L3MBTL4: variants seen among roughly 807,000 people sequenced by gnomAD.
L3MBTL4 encodes L3MBTL histone methyl-lysine binding protein 4, also known as lethal(3)malignant brain tumor-like protein 4.
A neutral mutation model predicts 84.5 loss-of-function variants in L3MBTL4; 70 were observed. The observed-to-expected ratio is 0.83, with a 90% CI of 0.68 to 1.01. The LOEUF is 1.01. Among genes scored for constraint, L3MBTL4 ranks in the 50% least tolerant of loss-of-function variants. The pLI is 0.00. For missense variants in L3MBTL4, 715 were observed against 754.8 expected, an observed-to-expected ratio of 0.95 and a Z score of 0.62; for synonymous variants, 274 against 259.8, an observed-to-expected ratio of 1.05 and a Z score of -0.52.
At chr18:6,248,149 T>A (rs1334812723) in intron 5 of L3MBTL4, among the ~76,000 whole-genome samples, 1 of 152,216 alleles carries the variant, frequency 6.6e-6, no homozygotes, top group Non-Finnish European at 1.5e-5. Context: ...CCCTCCTGCA[T>A]CCACTTTGTG....
At chr18:6,318,531 A>T (rs2051236521) in intron 1 of L3MBTL4, among the ~76,000 whole-genome samples, 1 of 143,260 alleles carries the variant, frequency 7.0e-6, no homozygotes, top group African/African-American at 2.7e-5. Flanking sequence ...AAAAAGACAA[A>T]GAAGGTCATT....
At chr18:6,201,089 G>A (rs2045630552) in intron 12 of L3MBTL4, among the ~76,000 whole-genome samples, 1 of 151,842 alleles carries the variant, frequency 6.6e-6, no homozygotes, top group African/African-American at 2.4e-5. Flanking sequence ...GGTAATCAAG[G>A]GATAAAAATG....
intron 13 of L3MBTL4, among the ~76,000 whole-genome samples, chr18:6,151,021 G>C (rs79026931): frequency 6.6e-6 from 1 of 152,126 alleles, no homozygotes; most frequent in East Asian, 1.9e-4. Context: ...CAAGGTCAGA[G>C]GCCACAGACA....
At chr18:6,057,768 A>T (rs763707200) in intron 16 of L3MBTL4, among the ~76,000 whole-genome samples, 2 of 152,250 alleles carry the variant, frequency 1.3e-5, no homozygotes, top group Non-Finnish European at 2.9e-5. Context: ...AAAGTCCATG[A>T]CAAAAATGAT....
At chr18:6,009,498 T>C (rs1229683094) in intron 16 of L3MBTL4, among the ~76,000 whole-genome samples, 2 of 152,190 alleles carry the variant, frequency 1.3e-5, no homozygotes, top group Non-Finnish European at 2.9e-5. Context: ...AGGCCAGTTT[T>C]AGTACCACTG....
intron 12 of L3MBTL4, among the ~76,000 whole-genome samples, chr18:6,208,770 T>C (rs1049971074): frequency 1.3e-5 from 2 of 152,246 alleles, no homozygotes; most frequent in Non-Finnish European, 2.9e-5. Flanking sequence ...AATAGCTGGC[T>C]ATAAATTGAA....
chr18:6,248,847 G>A (rs566185444), intron 5 of L3MBTL4, among the ~76,000 whole-genome samples: 1 of 152,090 alleles, frequency 6.6e-6, no homozygotes, highest in African/African-American at 2.4e-5. Flanking sequence ...TTCTATACTT[G>A]GATGCAAGCC....
chr18:6,332,446 C>T (rs2052088034), intron 1 of L3MBTL4, among the ~76,000 whole-genome samples: 1 of 152,112 alleles, frequency 6.6e-6, no homozygotes, highest in African/African-American at 2.4e-5. Flanking sequence ...CACATGGTTC[C>T]AGGGTAGGCA....
intron 16 of L3MBTL4, among the ~76,000 whole-genome samples, chr18:6,053,494 C>G (rs79695815): frequency 0.01 from 1,559 of 152,264 alleles, 12 homozygotes; most frequent in Non-Finnish European, 0.015. Flanking sequence ...GCTGCCAACA[C>G]CACAACCTTC....
At chr18:6,190,729 G>T (rs188960258) in intron 12 of L3MBTL4, among the ~76,000 whole-genome samples, 1 of 152,148 alleles carries the variant, frequency 6.6e-6, no homozygotes. Flanking sequence ...CATATTAAAA[G>T]TTGGTAAAAG....
intron 16 of L3MBTL4, among the ~76,000 whole-genome samples, chr18:6,034,079 C>T (rs760306723): frequency 1.3e-5 from 2 of 152,000 alleles, no homozygotes; most frequent in African/African-American, 2.4e-5. Context: ...TCTTGCAGGG[C>T]ACGTCTGGTG....
chr18:6,040,639 C>T (rs2056359391), intron 16 of L3MBTL4, among the ~76,000 whole-genome samples: 1 of 152,192 alleles, frequency 6.6e-6, no homozygotes, highest in Middle Eastern at 3.2e-3. Context: ...TTTTTACTCA[C>T]ATCTCTTTTG....
intron 13 of L3MBTL4, among the ~76,000 whole-genome samples, chr18:6,145,675 G>A (rs868828288): frequency 2.0e-5 from 3 of 151,876 alleles, no homozygotes; most frequent in Non-Finnish European, 4.4e-5. Flanking sequence ...CTTTGAAAAG[G>A]GAAATAGATT....
intron 16 of L3MBTL4, among the ~76,000 whole-genome samples, chr18:6,021,876 T>C (rs1041181470): frequency 1.3e-5 from 2 of 152,142 alleles, no homozygotes; most frequent in African/African-American, 4.8e-5. Flanking sequence ...TCTCTAGTCC[T>C]TCCCTTCTAC....
intron 1 of L3MBTL4, among the ~76,000 whole-genome samples, chr18:6,315,184 C>A (rs2051033463): frequency 6.6e-6 from 1 of 151,980 alleles, no homozygotes; most frequent in Non-Finnish European, 1.5e-5. Context: ...TAGGACACTG[C>A]ACAGATCTTA....
intron 13 of L3MBTL4, among the ~76,000 whole-genome samples, chr18:6,167,162 C>T (rs1383356734): frequency 1.3e-5 from 2 of 152,064 alleles, no homozygotes; most frequent in African/African-American, 2.4e-5. Flanking sequence ...CAATAACAGG[C>T]TCTGAAATTG....
intron 16 of L3MBTL4, chr18:6,031,674 C>T (rs192746034): frequency 6.5e-5 from 64 of 983,910 alleles, no homozygotes; most frequent in Middle Eastern, 1.0e-3. Flanking sequence ...GTCTCATCCT[C>T]CAGCAGGTCA....
intron 16 of L3MBTL4, among the ~76,000 whole-genome samples, chr18:6,058,984 G>A (rs955430326): frequency 2.6e-5 from 4 of 152,142 alleles, no homozygotes; most frequent in African/African-American, 7.2e-5. Flanking sequence ...CTGCTTCTCC[G>A]GTTGTCTCTG....
At chr18:6,166,106 A>T (rs748244866) in intron 13 of L3MBTL4, among the ~76,000 whole-genome samples, 2 of 152,224 alleles carry the variant, frequency 1.3e-5, no homozygotes, top group Non-Finnish European at 2.9e-5. Flanking sequence ...TGGTAAAGGG[A>T]TCAATTCAAC....
Sources: gnomAD v4.1 joint callset for allele counts (sites outside exome capture counted in the v4.1 genomes callset) on GRCh38, gnomAD v4.1.1 for gene constraint, MANE v1.5 for transcripts, NCBI Gene and HGNC (gene_info 2026-07-23, HGNC 2026-07-21) for gene names.